Variants in GREB1L observed in about 807,000 individuals in gnomAD.
GREB1L encodes GREB1 like retinoic acid receptor coactivator.
Under a neutral mutation model 200.8 loss-of-function variants are expected in GREB1L, and 17 were observed. The ratio of observed to expected loss-of-function variants is 0.08; its 90% CI spans 0.06 to 0.13. The LOEUF is 0.13. Ranked by LOEUF, GREB1L falls within the 10% of genes least tolerant of loss-of-function variation. GREB1L has a pLI of 1.00. For missense variants in GREB1L, 1,657 were observed against 2,367.7 expected (o/e 0.70, Z 6.23); for synonymous variants, 789 against 893.0 (o/e 0.88, Z 2.08).
chr18:21,250,848 T>C (rs1448207248), intron 1 of GREB1L, among the ~76,000 whole-genome samples: 1 of 152,214 alleles, frequency 6.6e-6, no homozygotes. Context: ...TTTCTCATGT[T>C]TTCTTTCTTT....
intron 31 of GREB1L, 46 bp downstream of exon 31, chr18:21,518,280 T>G: frequency 1.3e-6 from 2 of 1,504,910 alleles, no homozygotes; most frequent in Non-Finnish European, 1.8e-6. Context: ...ATCCATCCAT[T>G]TCTTTCTCAT....
chr18:21,415,038 G>A (rs879736406), intron 7 of GREB1L, among the ~76,000 whole-genome samples: 2 of 152,090 alleles, frequency 1.3e-5, no homozygotes, highest in African/African-American at 2.4e-5. Flanking sequence ...GACTCCTTAA[G>A]TCAAGTAGAA....
At chr18:21,416,908 T>A (rs1438554116) in intron 7 of GREB1L, among the ~76,000 whole-genome samples, 1 of 151,736 alleles carries the variant, frequency 6.6e-6, no homozygotes, top group Admixed American at 6.6e-5. Context: ...GCATCTGTAA[T>A]CCCAGCTACT....
chr18:21,399,445 A>T (rs1162403681), intron 5 of GREB1L, among the ~76,000 whole-genome samples: 6 of 91,508 alleles, frequency 6.6e-5, no homozygotes, highest in Non-Finnish European at 2.2e-5. Context: ...GGTTGGATGG[A>T]TGGATGGTTG....
At chr18:21,336,326 TG>T (rs1008064934) in intron 1 of GREB1L, among the ~76,000 whole-genome samples, 2 of 152,192 alleles carry the variant, frequency 1.3e-5, no homozygotes, top group African/African-American at 4.8e-5. Flanking sequence ...TCTCTTCTGT[TG>T]AAAGTTCACA....
rs3831449 is a variant in GREB1L at position 21,525,874 on chromosome 18, A to ATAGAT, written c.*3055_*3059dup. ...GTGTAGTAAATTAAAAGAATTTGAC[A>ATAGAT]TAGATTCCATGAAAACAATCTTCTA... On this transcript the variant is annotated 3_prime_UTR_variant, in exon 33 of 33. Coordinates refer to ENST00000424526, the MANE Select transcript of GREB1L (RefSeq NM_001142966.3). 0.63 allele frequency among the ~76,000 whole-genome samples: 96,194 copies of ATAGAT among 151,508 alleles called. 35,781 individuals carry two copies. Among genetic ancestry groups the ATAGAT allele is most frequent in the Non-Finnish European group, 0.85 (57,260 of 67,692 alleles).
At chr18:21,379,207 G>T (rs1365926170) in intron 2 of GREB1L, among the ~76,000 whole-genome samples, 1 of 152,062 alleles carries the variant, frequency 6.6e-6, no homozygotes, top group Non-Finnish European at 1.5e-5. Context: ...AGCTTTTCAA[G>T]ATTTTCTTTT....
intron 1 of GREB1L, among the ~76,000 whole-genome samples, chr18:21,262,675 T>A (rs889357773): frequency 6.6e-6 from 1 of 152,168 alleles, no homozygotes; most frequent in Non-Finnish European, 1.5e-5. Context: ...GTATTAGTAG[T>A]TTGTCATTGT....
At chr18:21,326,197 G>A (rs778223734) in intron 1 of GREB1L, among the ~76,000 whole-genome samples, 26 of 152,050 alleles carry the variant, frequency 1.7e-4, no homozygotes, top group Non-Finnish European at 1.2e-4. Flanking sequence ...AAAAAGAACA[G>A]TGTGTATAAT....
rs1288849782 is a variant in GREB1L, at chr18:21,268,558, CACATAT to C, written c.-120+26167_-120+26172del. 4.2e-3 allele frequency among the ~76,000 whole-genome samples: 368 copies of C among 86,630 alleles called. 3 individuals carry two copies. The highest frequency in any genetic ancestry group is 4.4e-3 in the Non-Finnish European group (213 of 48,312). The allele number at this position is 86,630 out of a possible 152,430, so 56.8% of individuals were successfully genotyped here. On this transcript the variant is annotated intron_variant, in intron 1 of 32. Transcript: ENST00000424526. ...ACACACACACACACACACACACACACACATATATATATATATATATATATATATATA... is the reference window on the plus strand; with the variant it reads ...ACACACACACACACACACACACACACATATATATATATATATATATATATA...
At chr18:21,296,791 A>T (rs1225382308) in intron 1 of GREB1L, among the ~76,000 whole-genome samples, 3 of 151,770 alleles carry the variant, frequency 2.0e-5, no homozygotes, top group Non-Finnish European at 4.4e-5. Flanking sequence ...ATTATCTGGG[A>T]CTATAGGCAC....
At chr18:21,507,456 C>G (rs2037061065) in intron 25 of GREB1L, among the ~76,000 whole-genome samples, 1 of 152,144 alleles carries the variant, frequency 6.6e-6, no homozygotes, top group African/African-American at 2.4e-5. Flanking sequence ...TTTTATTAAG[C>G]CAAATCTTAT....
chr18:21,433,657 T>C (rs2033324185), intron 7 of GREB1L, among the ~76,000 whole-genome samples: 1 of 152,180 alleles, frequency 6.6e-6, no homozygotes, highest in African/African-American at 2.4e-5. Context: ...TCCAAGCCAG[T>C]GGGGGACCAT....
intron 1 of GREB1L, among the ~76,000 whole-genome samples, chr18:21,264,265 G>A (rs2037932870): frequency 6.6e-6 from 1 of 150,648 alleles, no homozygotes; most frequent in Admixed American, 6.6e-5. Flanking sequence ...TTTTAGATCT[G>A]CATCCAGAAA....
chr18:21,499,101 C>T (rs571060281), intron 21 of GREB1L, among the ~76,000 whole-genome samples: 226 of 152,296 alleles, frequency 1.5e-3, no homozygotes, highest in Non-Finnish European at 2.0e-3. Flanking sequence ...GCATCCCCCA[C>T]CCTAGCTTCG....
intron 11 of GREB1L, among the ~76,000 whole-genome samples, chr18:21,444,975 A>G (rs571643300): frequency 6.6e-6 from 1 of 152,320 alleles, no homozygotes; most frequent in South Asian, 2.1e-4. Context: ...CTATAGGGTA[A>G]GGGGGATATG....
chr18:21,311,339 GAGTC>G (rs2038787081), intron 1 of GREB1L, among the ~76,000 whole-genome samples: 2 of 152,214 alleles, frequency 1.3e-5, no homozygotes, highest in Admixed American at 6.5e-5. Context: ...TTTTGTAACA[GAGTC>G]AGACAATATA....
chr18:21,502,629 A>G (rs1333479194), intron 23 of GREB1L, among the ~76,000 whole-genome samples: 1 of 152,176 alleles, frequency 6.6e-6, no homozygotes. Flanking sequence ...ACACGAATTC[A>G]TCTTCCCATC....
chr18:21,439,768 G>A (rs2033793567), intron 8 of GREB1L, 131 bp downstream of exon 8: 1 of 655,324 alleles, frequency 1.5e-6, no homozygotes, highest in Admixed American at 2.4e-5. Context: ...TGTTTTGAAA[G>A]TTTGTAATTG....
Sources: allele counts gnomAD v4.1 joint callset (sites outside exome capture counted in the v4.1 genomes callset), GRCh38; gene constraint gnomAD v4.1.1; transcripts MANE v1.5; gene names NCBI Gene and HGNC (gene_info 2026-07-23, HGNC 2026-07-21).